The following RASSF8 variants were observed in gnomAD, a reference collection of about 807,000 sequenced individuals.
The protein encoded by RASSF8 is ras association domain-containing protein 8.
RASSF8 carries 22 observed loss-of-function variants against 48.5 expected under a neutral mutation model. That is an observed-to-expected ratio of 0.45 (90% CI 0.32 to 0.65). The LOEUF is 0.65. Among genes scored for constraint, RASSF8 ranks in the 30% least tolerant of loss-of-function variants. The probability of loss-of-function intolerance (pLI) is 0.03; values close to 1 mark genes in which losing one functional copy is unlikely to be tolerated. For synonymous variants in RASSF8, 127 were observed against 171.5 expected (o/e 0.74, Z 2.03); for missense variants, 418 against 489.2 (o/e 0.85, Z 1.37).
intron 5 of RASSF8, 51 bp downstream of exon 5, chr12:26,067,764 C>CT (rs1185702615): frequency 3.7e-6 from 6 of 1,605,020 alleles, no homozygotes; most frequent in South Asian, 3.3e-5. Context: ...CACTGCTTAA[C>CT]TTTTTTTGTT....
chr12:26,050,704 T>C (rs532510127), intron 2 of RASSF8, among the ~76,000 whole-genome samples: 6 of 152,242 alleles, frequency 3.9e-5, no homozygotes, highest in Non-Finnish European at 5.9e-5. Context: ...TGTTCAGACA[T>C]ATTTTATTTA....
chr12:26,014,908 A>T (rs1942610515), intron 2 of RASSF8, among the ~76,000 whole-genome samples: 1 of 152,034 alleles, frequency 6.6e-6, no homozygotes, highest in Non-Finnish European at 1.5e-5. Flanking sequence ...GCATTAAAAA[A>T]AAAATATTCC....
intron 2 of RASSF8, among the ~76,000 whole-genome samples, chr12:26,009,458 C>T (rs1436209417): frequency 6.6e-6 from 1 of 152,108 alleles, no homozygotes; most frequent in Non-Finnish European, 1.5e-5. Context: ...GGCGGAGATG[C>T]TGGGCATCCT....
intron 2 of RASSF8, among the ~76,000 whole-genome samples, chr12:26,015,833 AT>A (rs1942635973): frequency 7.2e-6 from 1 of 137,974 alleles, no homozygotes; most frequent in African/African-American, 2.6e-5. Context: ...CAGTGGTACA[AT>A]TTCTCTTTTT....
intron 1 of RASSF8, among the ~76,000 whole-genome samples, chr12:25,987,016 A>C (rs1026855150): frequency 6.0e-5 from 9 of 150,442 alleles, no homozygotes; most frequent in Non-Finnish European, 1.0e-4. Context: ...GCTCACCGCA[A>C]CCTCGCCTCC....
chr12:26,024,374 C>A (rs1369919897), intron 2 of RASSF8, among the ~76,000 whole-genome samples: 1 of 152,168 alleles, frequency 6.6e-6, no homozygotes, highest in Non-Finnish European at 1.5e-5. Flanking sequence ...AATGGCTTCA[C>A]TGGTAAATTC....
intron 2 of RASSF8, among the ~76,000 whole-genome samples, chr12:26,045,596 A>G (rs1040661764): frequency 6.6e-6 from 1 of 152,196 alleles, no homozygotes; most frequent in Non-Finnish European, 1.5e-5. Flanking sequence ...AGTCCTCACA[A>G]TGGACAATGT....
intron 2 of RASSF8, among the ~76,000 whole-genome samples, chr12:26,003,083 C>T (rs984585424): frequency 6.6e-6 from 1 of 152,154 alleles, no homozygotes; most frequent in Non-Finnish European, 1.5e-5. Flanking sequence ...TTTCCCAGCA[C>T]CATATATTGA....
chr12:25,970,714 C>G (rs931381258), intron 1 of RASSF8, among the ~76,000 whole-genome samples: 11 of 152,184 alleles, frequency 7.2e-5, no homozygotes, highest in Non-Finnish European at 2.9e-5. Flanking sequence ...ACACCCTGGG[C>G]TGGTCAGATG....
chr12:25,963,511 A>T (rs1941286819), intron 1 of RASSF8, among the ~76,000 whole-genome samples: 1 of 152,046 alleles, frequency 6.6e-6, no homozygotes, highest in Admixed American at 6.6e-5. Context: ...TTTTCTCTTG[A>T]CTTGTTTTTT....
Position 26,065,010 on chromosome 12 carries a change from A to T in RASSF8, c.616A>T (p.Ile206Phe), listed in dbSNP as rs755629253. The T allele has an allele frequency of 5.0e-6, 8 of 1,612,998 alleles. No homozygotes were observed. Among genetic ancestry groups the T allele is most frequent in the Non-Finnish European group, 4.2e-6 (5 of 1,179,694 alleles). ...GTATAATTCCAACCTTGAAGAGGAA[A>T]TTGTCCGTCTAGAGCAAAAGATCAA... ...QKYNSNLEEE[I>F]VRLEQKIKRN... The change falls in exon 4 of 6, where the codon ATT becomes TTT. Residue 206 changes from isoleucine to phenylalanine, a missense_variant. Ile to Phe is a conservative substitution (Grantham distance 21). Transcript: ENST00000689635.
chr12:25,964,681 G>A (rs1941315905), intron 1 of RASSF8, among the ~76,000 whole-genome samples: 1 of 152,084 alleles, frequency 6.6e-6, no homozygotes, highest in African/African-American at 2.4e-5. Context: ...GATAGATATT[G>A]GGCAGAAAGT....
intron 2 of RASSF8, among the ~76,000 whole-genome samples, chr12:26,016,946 T>C (rs935896338): frequency 6.6e-6 from 1 of 152,208 alleles, no homozygotes; most frequent in Non-Finnish European, 1.5e-5. Flanking sequence ...ATCTGCTGTG[T>C]ACAAACTAGA....
intron 1 of RASSF8, among the ~76,000 whole-genome samples, chr12:25,965,383 T>TTTTG (rs1941337043): frequency 6.7e-6 from 1 of 150,034 alleles, no homozygotes. Flanking sequence ...TTTTTTTTTT[T>TTTTG]GAGACAGGGT....
intron 2 of RASSF8, among the ~76,000 whole-genome samples, chr12:26,031,704 C>T (rs1018935564): frequency 6.6e-6 from 1 of 152,136 alleles, no homozygotes. Context: ...TCTAAAGGCA[C>T]TTGTTAGGTA....
At chr12:25,983,888 C>T (rs1000876952) in intron 1 of RASSF8, among the ~76,000 whole-genome samples, 1 of 152,132 alleles carries the variant, frequency 6.6e-6, no homozygotes, top group Non-Finnish European at 1.5e-5. Flanking sequence ...CCCGTGTGTG[C>T]CAGCCTGTTG....
chr12:26,015,903 A>AT (rs1942638154), intron 2 of RASSF8, among the ~76,000 whole-genome samples: 1 of 152,158 alleles, frequency 6.6e-6, no homozygotes, highest in Non-Finnish European at 1.5e-5. Context: ...GCACTTCTCT[A>AT]TAACTCTGTG....
At chr12:26,022,346 C>T (rs975535045) in intron 2 of RASSF8, among the ~76,000 whole-genome samples, 1 of 152,148 alleles carries the variant, frequency 6.6e-6, no homozygotes, top group Non-Finnish European at 1.5e-5. Flanking sequence ...AGTCAAGTTA[C>T]TCAACAAATA....
rs567409892 is a variant in RASSF8 at position 26,011,495 on chromosome 12, T to C, written c.-109+16365T>C. 7.2e-5 allele frequency among the ~76,000 whole-genome samples: 11 copies of C among 152,312 alleles called. No individual in the cohort carries two copies. The East Asian group carries it at 2.1e-3, about 29-fold the overall frequency. On this transcript the variant is annotated intron_variant, in intron 2 of 5. Coordinates refer to ENST00000689635, the MANE Select transcript of RASSF8 (RefSeq NM_001394098.1). ...AAACACCTGAGTCAAGTAACTATGATAACTTGACATAATTAATTAATTGAG... is the reference window on the plus strand; with the variant it reads ...AAACACCTGAGTCAAGTAACTATGACAACTTGACATAATTAATTAATTGAG...
Sources: gnomAD v4.1 joint callset for allele counts (sites outside exome capture counted in the v4.1 genomes callset) on GRCh38, gnomAD v4.1.1 for gene constraint, MANE v1.5 for transcripts, NCBI Gene and HGNC (gene_info 2026-07-23, HGNC 2026-07-21) for gene names.